The following TMTC3 variants were observed in gnomAD, a reference collection of about 807,000 sequenced individuals.
The protein encoded by TMTC3 is protein O-mannosyl-transferase TMTC3.
A neutral mutation model predicts 92.2 loss-of-function variants in TMTC3; 52 were observed. The observed-to-expected ratio is 0.56, with a 90% confidence interval of 0.45 to 0.71. TMTC3 has a LOEUF of 0.71. Ranked by LOEUF, TMTC3 falls within the 30% of genes least tolerant of loss-of-function variation. TMTC3 has a pLI of 0.00. For synonymous variants in TMTC3, 339 were observed against 363.3 expected, an observed-to-expected ratio of 0.93 and a Z score of 0.76; for missense variants, 896 against 1,057.1, an observed-to-expected ratio of 0.85 and a Z score of 2.11.
chr12:88,166,192 G>T, intron 6 of TMTC3, 138 bp from the exon 7 acceptor site: 1 of 802,432 alleles, frequency 1.2e-6, no homozygotes, highest in South Asian at 2.0e-5. Flanking sequence ...AAGAGTCTGA[G>T]GTACACATAA....
chr12:88,192,927 T>C, intron 13 of TMTC3, 97 bp downstream of exon 13: 1 of 969,382 alleles, frequency 1.0e-6, no homozygotes, highest in Non-Finnish European at 1.5e-6. Flanking sequence ...ACACTTTATG[T>C]ATTGACAGTT....
At chr12:88,174,878 A>G (rs1433709305) in intron 9 of TMTC3, 151 bp downstream of exon 9, 1 of 998,948 alleles carries the variant, frequency 1.0e-6, no homozygotes, top group Non-Finnish European at 1.5e-6. Context: ...TTGTTGTTTA[A>G]CATAATGCCA....
intron 12 of TMTC3, among the ~76,000 whole-genome samples, chr12:88,191,347 G>T (rs2041440355): frequency 6.6e-6 from 1 of 151,992 alleles, no homozygotes; most frequent in South Asian, 2.1e-4. Context: ...AATTCATAAA[G>T]AACTATTCAA....
At chr12:88,153,622 C>G in intron 3 of TMTC3, 113 bp downstream of exon 3, 1 of 566,898 alleles carries the variant, frequency 1.8e-6, no homozygotes. Flanking sequence ...TGACTTTAAT[C>G]CAAATATTTG....
chr12:88,185,542 G>A (rs1156255113), intron 10 of TMTC3, among the ~76,000 whole-genome samples: 6 of 152,006 alleles, frequency 3.9e-5, no homozygotes, highest in Non-Finnish European at 7.4e-5. Context: ...TGGCTGTTAC[G>A]AACATTCATA....
intron 6 of TMTC3, among the ~76,000 whole-genome samples, chr12:88,161,570 G>A (rs2041079866): frequency 6.6e-6 from 1 of 151,826 alleles, no homozygotes; most frequent in South Asian, 2.1e-4. Context: ...GATATAGTTT[G>A]ATGGAAATCT....
intron 4 of TMTC3, among the ~76,000 whole-genome samples, chr12:88,157,793 A>G (rs1344476335): frequency 6.6e-6 from 1 of 152,184 alleles, no homozygotes; most frequent in African/African-American, 2.4e-5. Flanking sequence ...ACAAAATCAC[A>G]TGTAACTTTT....
At chr12:88,194,646 A>G (rs996883312) in intron 13 of TMTC3, among the ~76,000 whole-genome samples, 192 bp from the exon 14 acceptor site, 8 of 152,132 alleles carry the variant, frequency 5.3e-5, no homozygotes, top group Non-Finnish European at 1.0e-4. Context: ...GAAATAAGCT[A>G]TCTTTTTACT....
intron 2 of TMTC3, 107 bp from the exon 3 acceptor site, chr12:88,153,181 TCTC>T (rs2040963646): frequency 1.6e-6 from 1 of 621,066 alleles, no homozygotes; most frequent in East Asian, 2.9e-5. Context: ...TATTGTTATT[TCTC>T]AGTAAAATGT....
intron 10 of TMTC3, among the ~76,000 whole-genome samples, chr12:88,185,132 G>T (rs771761510): frequency 1.3e-5 from 2 of 151,826 alleles, no homozygotes; most frequent in Non-Finnish European, 2.9e-5. Context: ...GATAAGTTTC[G>T]GCATATGTAT....
rs750420016 is a variant in TMTC3, at chr12:88,148,411, T to C, written c.96T>C (p.Asp32=). 1 of 1,613,692 alleles carries C rather than the reference T, an allele frequency of 6.2e-7. No individual in the cohort carries two copies. The highest frequency in any genetic ancestry group is 2.2e-5 in the East Asian group (1 of 44,832). The change falls in exon 2 of 14, where the codon GAT becomes GAC. Residue 32 remains aspartate (D), a synonymous_variant. Coordinates refer to ENST00000266712, the MANE Select transcript of TMTC3 (RefSeq NM_181783.4). ...NSLFCGFVFD[D]VSAILDNKDL... ...TCTTTTGTGGTTTTGTTTTTGATGA[T>C]GTTTCAGCAATACTGGATAACAAAG... is the stretch of plus-strand genomic sequence containing the variant.
At chr12:88,168,545 A>AT (rs1339523266) in intron 7 of TMTC3, among the ~76,000 whole-genome samples, 2 of 152,180 alleles carry the variant, frequency 1.3e-5, no homozygotes, top group Non-Finnish European at 2.9e-5. Flanking sequence ...TGGTTGGCAT[A>AT]TAGAAGCATT....
At position 88,172,536 on chromosome 12, in the gene TMTC3, A is replaced by C. The variant is rs917064729; in HGVS notation, c.1051-61A>C. 4.9e-6 allele frequency: 5 copies of C among 1,011,594 alleles called. No homozygotes were observed. In the African/African-American group the frequency reaches 8.5e-5, roughly 17 times the overall value. The allele number at this position is 1,011,594 out of a possible 1,614,324, so 62.7% of individuals were successfully genotyped here. On this transcript the variant is annotated intron_variant, in intron 7 of 13. Transcript: ENST00000266712. Reference sequence around the variant, plus strand: ...GTATCAGATGCCCATATATTTCTTAATTTATTATAAATTATTTTAAATTTA... The same window carrying C: ...GTATCAGATGCCCATATATTTCTTACTTTATTATAAATTATTTTAAATTTA...
At chr12:88,143,966 C>T (rs1592717174) in intron 1 of TMTC3, among the ~76,000 whole-genome samples, 1 of 152,288 alleles carries the variant, frequency 6.6e-6, no homozygotes, top group Non-Finnish European at 1.5e-5. Flanking sequence ...CTTCACATTG[C>T]CATGGCATCT....
Position 88,199,351 on chromosome 12 carries a change from G to A in TMTC3, c.*3702G>A, listed in dbSNP as rs1408031298. 6.6e-6 allele frequency: 1 copy of A among 151,476 alleles called. No homozygotes were observed. Among genetic ancestry groups the A allele is most frequent in the Non-Finnish European group, 1.5e-5 (1 of 67,884 alleles). 9.4% of individuals were successfully genotyped at this position (151,476 alleles called of 1,614,324 possible). A position where few individuals can be genotyped will look rare whatever the true frequency, so the allele number is the denominator to read the frequency against. On this transcript the variant is annotated 3_prime_UTR_variant, in exon 14 of 14. Transcript: ENST00000266712. Reference sequence around the variant, plus strand: ...GGAAAAACATTTTCCTCTTAAAATTGTGAAGAGGATTTATATATTTATATG... The same window carrying A: ...GGAAAAACATTTTCCTCTTAAAATTATGAAGAGGATTTATATATTTATATG...
intron 10 of TMTC3, among the ~76,000 whole-genome samples, chr12:88,187,809 C>A (rs1278403287): frequency 6.6e-6 from 1 of 152,198 alleles, no homozygotes; most frequent in Non-Finnish European, 1.5e-5. Context: ...AAGTAGTAAT[C>A]ATAATGAACC....
intron 1 of TMTC3, among the ~76,000 whole-genome samples, chr12:88,143,793 GGT>G (rs911909775): frequency 6.6e-6 from 1 of 152,132 alleles, no homozygotes; most frequent in Admixed American, 6.5e-5. Flanking sequence ...AAGAATTGGA[GGT>G]GCATACACCC....
At chr12:88,172,889 T>C in intron 8 of TMTC3, 144 bp downstream of exon 8, 12 of 1,502,304 alleles carry the variant, frequency 8.0e-6, no homozygotes, top group Admixed American at 2.0e-5. Flanking sequence ...ATTTGTCTTG[T>C]AAGTCAAGTT....
chr12:88,146,702 C>T (rs1340188209), intron 1 of TMTC3, among the ~76,000 whole-genome samples: 3 of 149,882 alleles, frequency 2.0e-5, no homozygotes, highest in African/African-American at 4.9e-5. Flanking sequence ...TTTTTAAGTA[C>T]TTCAGATGCC....
Sources: gnomAD v4.1 joint callset for allele counts (sites outside exome capture counted in the v4.1 genomes callset) on GRCh38, gnomAD v4.1.1 for gene constraint, MANE v1.5 for transcripts, NCBI Gene and HGNC (gene_info 2026-07-23, HGNC 2026-07-21) for gene names.